Variants in B3GALT1 observed in about 807,000 individuals in gnomAD.
B3GALT1 encodes UDP-Gal:betaGlcNAc beta 1,3-galactosyltransferase, polypeptide 1.
Under a neutral mutation model 23.2 loss-of-function variants are expected in B3GALT1, and 10 were observed. That is an observed-to-expected ratio of 0.43 (90% CI 0.27 to 0.73). The LOEUF (loss-of-function observed/expected upper bound fraction) is 0.73, where lower values mean the gene tolerates loss of function less well. B3GALT1 is among the 30% of genes least tolerant of loss of function. B3GALT1 has a pLI of 0.21. For synonymous variants in B3GALT1, 156 were observed against 141.5 expected (o/e 1.10, Z -0.73); for missense variants, 299 against 405.4 (o/e 0.74, Z 2.25).
intron 2 of B3GALT1, among the ~76,000 whole-genome samples, chr2:167,584,173 G>A (rs765569972): frequency 1.3e-5 from 2 of 152,140 alleles, no homozygotes; most frequent in African/African-American, 2.4e-5. Flanking sequence ...CTGAGAGGCT[G>A]AGTAGAATAT....
intron 1 of B3GALT1, among the ~76,000 whole-genome samples, chr2:167,367,788 G>A (rs1026954727): frequency 1.3e-5 from 2 of 152,120 alleles, no homozygotes; most frequent in Admixed American, 1.3e-4. Flanking sequence ...GCAAGACTAG[G>A]ATCCTTCATG....
chr2:167,699,618 T>C (rs1686845847), intron 3 of B3GALT1, among the ~76,000 whole-genome samples: 2 of 152,170 alleles, frequency 1.3e-5, no homozygotes, highest in African/African-American at 4.8e-5. Context: ...AAAATTACTT[T>C]TAGTTATTAT....
chr2:167,428,030 G>C (rs1157859852), intron 1 of B3GALT1, among the ~76,000 whole-genome samples: 1 of 152,174 alleles, frequency 6.6e-6, no homozygotes, highest in Non-Finnish European at 1.5e-5. Context: ...CTGCTAGAAT[G>C]AATGAAAGGG....
At chr2:167,511,160 G>A (rs1699997834) in intron 2 of B3GALT1, among the ~76,000 whole-genome samples, 1 of 152,072 alleles carries the variant, frequency 6.6e-6, no homozygotes, top group Non-Finnish European at 1.5e-5. Flanking sequence ...CCAAATGAGA[G>A]AAAATAGTTA....
chr2:167,359,593 A>G (rs1354755792), intron 1 of B3GALT1, among the ~76,000 whole-genome samples: 2 of 152,194 alleles, frequency 1.3e-5, no homozygotes, highest in Non-Finnish European at 2.9e-5. Flanking sequence ...AAGCTGCCCT[A>G]TGTCAACAGG....
At chr2:167,714,333 A>G in intron 3 of B3GALT1, 1 of 1,495,594 alleles carries the variant, frequency 6.7e-7, no homozygotes, top group Admixed American at 1.7e-5. Flanking sequence ...GACCTATCAC[A>G]GCTTGGTTCT....
intron 1 of B3GALT1, among the ~76,000 whole-genome samples, chr2:167,350,505 G>A (rs909977363): frequency 5.3e-5 from 8 of 152,278 alleles, no homozygotes; most frequent in Admixed American, 2.6e-4. Flanking sequence ...TGTGCTCAGC[G>A]TGGATGTGTT....
intron 1 of B3GALT1, among the ~76,000 whole-genome samples, chr2:167,476,232 T>C (rs540265870): frequency 6.6e-6 from 1 of 152,334 alleles, no homozygotes; most frequent in African/African-American, 2.4e-5. Context: ...ATTAATTGGT[T>C]TGCTTCTGCT....
intron 3 of B3GALT1, among the ~76,000 whole-genome samples, chr2:167,759,710 C>G (rs1041206526): frequency 1.9e-4 from 29 of 152,112 alleles, no homozygotes; most frequent in African/African-American, 6.5e-4. Context: ...TGCAGCTTCT[C>G]TCCCCATCCT....
intron 3 of B3GALT1, among the ~76,000 whole-genome samples, chr2:167,657,227 G>A (rs373394813): frequency 2.6e-5 from 4 of 152,090 alleles, no homozygotes; most frequent in African/African-American, 7.2e-5. Context: ...AAACTTTAAA[G>A]CTAAAGAGAT....
intron 3 of B3GALT1, among the ~76,000 whole-genome samples, chr2:167,759,958 C>A (rs1383123919): frequency 1.3e-5 from 2 of 152,228 alleles, no homozygotes; most frequent in African/African-American, 4.8e-5. Context: ...AAGTTTAACT[C>A]CTCCTAGGGA....
chr2:167,436,042 C>T (rs1267710371), intron 1 of B3GALT1, among the ~76,000 whole-genome samples: 1 of 151,854 alleles, frequency 6.6e-6, no homozygotes, highest in South Asian at 2.1e-4. Context: ...CTACTGCAGT[C>T]GACCTGAACT....
In B3GALT1 at chr2:167,873,016, C is replaced by G. The variant is rs1341686296; in HGVS notation, c.*2996C>G. On this transcript the variant is annotated 3_prime_UTR_variant, in exon 5 of 5. Transcript: ENST00000392690. ...ATGTTTAAGTGATCAAGAAAAAGCTCTAACTTTCGACTTTTGTTAATTTTA... is the reference window on the plus strand; with the variant it reads ...ATGTTTAAGTGATCAAGAAAAAGCTGTAACTTTCGACTTTTGTTAATTTTA... The G allele has an allele frequency of 1.3e-5, 2 of 152,126 alleles. No individual in the cohort carries two copies. Among genetic ancestry groups the G allele is most frequent in the Non-Finnish European group, 2.9e-5 (2 of 68,014 alleles). The allele number at this position is 152,126 out of a possible 1,614,324, so 9.4% of individuals were successfully genotyped here. A position where few individuals can be genotyped will look rare whatever the true frequency, so the allele number is the denominator to read the frequency against.
At chr2:167,372,203 A>G (rs1251386564) in intron 1 of B3GALT1, among the ~76,000 whole-genome samples, 1 of 152,048 alleles carries the variant, frequency 6.6e-6, no homozygotes, top group Non-Finnish European at 1.5e-5. Context: ...ATCACTTGCT[A>G]CAGTTTTCTG....
rs574652787 is a variant in B3GALT1, at chr2:167,513,738, T to A, written c.-410+23461T>A. 2.5e-3 allele frequency among the ~76,000 whole-genome samples: 374 copies of A among 152,268 alleles called. 2 individuals carry two copies. The highest frequency in any genetic ancestry group is 8.0e-3 in the African/African-American group (332 of 41,572). On this transcript the variant is annotated intron_variant, in intron 2 of 4. Transcript: ENST00000392690. ...TATACTGTTCTTTTTTATTTTTGTG[T>A]ATGTTGAAAACACCCATCATAAAAA...
At chr2:167,392,925 G>C (rs1698037235) in intron 1 of B3GALT1, among the ~76,000 whole-genome samples, 1 of 152,090 alleles carries the variant, frequency 6.6e-6, no homozygotes, top group Non-Finnish European at 1.5e-5. Context: ...ACGTTTCTGG[G>C]CTAAAAGTGT....
At chr2:167,379,124 A>G (rs567244920) in intron 1 of B3GALT1, among the ~76,000 whole-genome samples, 29 of 152,294 alleles carry the variant, frequency 1.9e-4, no homozygotes, top group South Asian at 1.9e-3. Flanking sequence ...ACTTACAGTC[A>G]TGGTGGAAGG....
At chr2:167,742,853 C>T (rs1162637571) in intron 3 of B3GALT1, among the ~76,000 whole-genome samples, 1 of 152,060 alleles carries the variant, frequency 6.6e-6, no homozygotes, top group African/African-American at 2.4e-5. Context: ...TTCTGGTTCT[C>T]CTCTAATCTG....
Position 167,770,245 on chromosome 2 carries a change from T to G in B3GALT1, c.-351-48427T>G, listed in dbSNP as rs141571852. ...CCTCAGCCTCCCAAGTAGCTAGGAC[T>G]GCAGTCATGTGCCACCGCACCTGGC... is the stretch of plus-strand genomic sequence containing the variant. On this transcript the variant is annotated intron_variant, in intron 3 of 4. Coordinates refer to ENST00000392690, the MANE Select transcript of B3GALT1 (RefSeq NM_020981.4). 6.5e-3 allele frequency among the ~76,000 whole-genome samples: 992 copies of G among 152,338 alleles called. 8 individuals are homozygous for G. The highest frequency in any genetic ancestry group is 0.023 in the African/African-American group (954 of 41,578).
Sources: gnomAD v4.1 joint callset for allele counts (sites outside exome capture counted in the v4.1 genomes callset) on GRCh38, gnomAD v4.1.1 for gene constraint, MANE v1.5 for transcripts, NCBI Gene and HGNC (gene_info 2026-07-23, HGNC 2026-07-21) for gene names.